Variants in NFATC1 observed in about 807,000 individuals in gnomAD.
The protein encoded by NFATC1 is nuclear factor of activated T cells 1, also known as nuclear factor of activated T-cells, cytoplasmic 1.
Under a neutral mutation model 76.0 loss-of-function variants are expected in NFATC1, and 22 were observed. The ratio of observed to expected loss-of-function variants is 0.29; its 90% CI spans 0.21 to 0.41. The LOEUF (loss-of-function observed/expected upper bound fraction) is 0.41, where lower values mean the gene tolerates loss of function less well. Ranked by LOEUF, NFATC1 falls within the 10% of genes least tolerant of loss-of-function variation. The pLI is 1.00. For missense variants in NFATC1, 1,357 were observed against 1,337.7 expected, an observed-to-expected ratio of 1.01 and a Z score of -0.23; for synonymous variants, 704 against 613.1, an observed-to-expected ratio of 1.15 and a Z score of -2.19.
At chr18:79,468,078 A>ACCCCTGGAG in intron 8 of NFATC1, 2 of 799,132 alleles carry the variant, frequency 2.5e-6, no homozygotes, top group Non-Finnish European at 3.0e-6. Context: ...CTCCAGGGGT[A>ACCCCTGGAG]ACTTCATCTC....
chr18:79,442,232 G>C (rs918904367), intron 3 of NFATC1, among the ~76,000 whole-genome samples: 1 of 152,206 alleles, frequency 6.6e-6, no homozygotes, highest in Non-Finnish European at 1.5e-5. Context: ...GTGGAGACCC[G>C]CGTGCACGTG....
At chr18:79,400,392 A>G in intron 1 of NFATC1, 2 of 1,374,292 alleles carry the variant, frequency 1.5e-6, no homozygotes, top group Non-Finnish European at 1.9e-6. Flanking sequence ...CCGACCCGCC[A>G]TGACGGGGCT....
At chr18:79,421,700 C>T (rs952441774) in intron 2 of NFATC1, 2 of 152,332 alleles carry the variant, frequency 1.3e-5, no homozygotes, top group African/African-American at 4.8e-5. Flanking sequence ...AGGCGGAGTC[C>T]CTGTCCACAA....
At chr18:79,436,769 G>A (rs924375016) in intron 3 of NFATC1, among the ~76,000 whole-genome samples, 5 of 152,018 alleles carry the variant, frequency 3.3e-5, no homozygotes, top group Admixed American at 1.3e-4. Context: ...GGCGCTGAGG[G>A]GCGTGAGGGG....
chr18:79,445,129 T>G (rs909369844), intron 3 of NFATC1, among the ~76,000 whole-genome samples: 4 of 152,270 alleles, frequency 2.6e-5, no homozygotes, highest in Non-Finnish European at 5.9e-5. Context: ...TACTTTTGTT[T>G]CGATTTTTCC....
chr18:79,459,708 TG>T lies in NFATC1; in HGVS notation c.1904-1601del, dbSNP rs1600790468. Among the ~76,000 whole-genome samples the T allele has an allele frequency of 2.0e-5, 3 of 152,248 alleles. No homozygotes were observed. In the East Asian group the frequency reaches 5.8e-4, roughly 29 times the overall value. ...GAGGACCACAGCCTTTTGTGGGGTGTGGACGGGGCCTCACCCCAAAGATGGA... is the reference window on the plus strand; with the variant it reads ...GAGGACCACAGCCTTTTGTGGGGTGTGACGGGGCCTCACCCCAAAGATGGA... On this transcript the variant is annotated intron_variant, in intron 6 of 9. Transcript: ENST00000427363.
At chr18:79,473,309 T>TA (rs1392535751) in intron 8 of NFATC1, among the ~76,000 whole-genome samples, 1 of 152,276 alleles carries the variant, frequency 6.6e-6, no homozygotes, top group African/African-American at 2.4e-5. Context: ...ACAGCTTTTA[T>TA]TAAATTTCAG....
intron 2 of NFATC1, among the ~76,000 whole-genome samples, chr18:79,425,314 C>T (rs1043074149): frequency 1.6e-5 from 2 of 128,856 alleles, no homozygotes; most frequent in Non-Finnish European, 1.7e-5. Context: ...TCTCTTTTAA[C>T]TAAGGGAAAA....
intron 9 of NFATC1, among the ~76,000 whole-genome samples, chr18:79,503,118 AGT>A: frequency 6.6e-6 from 1 of 152,342 alleles, no homozygotes; most frequent in South Asian, 2.1e-4. Context: ...TCCTCACCCG[AGT>A]GTTATCCATC....
rs759761115 is a variant in NFATC1 at position 79,410,813 on chromosome 18, C to T, written c.538C>T (p.Arg180Trp). The change falls in exon 2 of 10, where the codon CGG becomes TGG. Residue 180 changes from arginine to tryptophan, a missense_variant. Arg to Trp is a moderately radical substitution (Grantham distance 101). Coordinates refer to ENST00000427363, the MANE Select transcript of NFATC1 (RefSeq NM_001278669.2). The surrounding 1 kb of genome is among the most constrained non-coding windows in gnomAD (Gnocchi z 6.7). ...GAGCCCGGCCAGCAGCCTGTCCTCC[C>T]GGAGCTGCAACTCAGAGGCCTCCTC... The part of the protein sequence containing the change: ...CLSPASSLSS[R>W]SCNSEASSYE... 3.7e-6 allele frequency: 6 copies of T among 1,612,178 alleles called. No individual in the cohort carries two copies. Among genetic ancestry groups the T allele is most frequent in the East Asian group, 2.2e-5 (1 of 44,864 alleles).
chr18:79,444,620 C>G (rs2087120744), intron 3 of NFATC1, among the ~76,000 whole-genome samples: 1 of 152,252 alleles, frequency 6.6e-6, no homozygotes, highest in Admixed American at 6.5e-5. Context: ...AAGCACTGCT[C>G]ACGTACAACC....
At chr18:79,456,589 G>A (rs1377799225) in intron 6 of NFATC1, among the ~76,000 whole-genome samples, 1 of 152,120 alleles carries the variant, frequency 6.6e-6, no homozygotes, top group African/African-American at 2.4e-5. Context: ...GGGCGGGGAG[G>A]AGGTGAGGGT....
At position 79,486,583 on chromosome 18, in the gene NFATC1, C is replaced by T. The variant is rs529441110; in HGVS notation, c.2428C>T (p.His810Tyr). 3.1e-6 allele frequency: 5 copies of T among 1,589,796 alleles called. No homozygotes were observed. The East Asian group carries it at 6.8e-5, about 22-fold the overall frequency. Residue 810 changes from histidine to tyrosine, a missense_variant, in exon 9 of 10, where the codon CAC (histidine) becomes TAC (tyrosine). By Grantham distance (83) the His-to-Tyr change is moderately conservative. Around this residue, in one of 3 missense-constraint regions of NFATC1, gnomAD observed 424 missense variants for 395.4 expected, o/e 1.07. Transcript: ENST00000427363. ...VQDVPRPVATHPGSPGQPPPA... is the reference protein window; with the variant it reads ...VQDVPRPVATYPGSPGQPPPA... Reference sequence around the variant, plus strand: ...GGACGTGCCCAGGCCAGTGGCCACGCACCCCGGCTCGCCCGGGCAGCCACC... The same window carrying T: ...GGACGTGCCCAGGCCAGTGGCCACGTACCCCGGCTCGCCCGGGCAGCCACC...
chr18:79,412,449 T>C (rs545851795), intron 2 of NFATC1, among the ~76,000 whole-genome samples: 2 of 151,844 alleles, frequency 1.3e-5, no homozygotes, highest in East Asian at 1.9e-4. Context: ...TTTTTTTTTT[T>C]TCGTCCCTCC....
chr18:79,443,320 G>T (rs945942104), intron 3 of NFATC1, among the ~76,000 whole-genome samples: 2 of 152,144 alleles, frequency 1.3e-5, no homozygotes, highest in Non-Finnish European at 2.9e-5. Flanking sequence ...CTTGCCTCGG[G>T]CCCCCACACA....
At chr18:79,483,251 G>A (rs574421302) in intron 8 of NFATC1, among the ~76,000 whole-genome samples, 5 of 139,682 alleles carry the variant, frequency 3.6e-5, no homozygotes, top group South Asian at 4.6e-4. Context: ...TCACTCCAGC[G>A]TGACCTGGTC....
At chr18:79,408,457 A>T (rs929324361) in intron 1 of NFATC1, among the ~76,000 whole-genome samples, 4 of 152,242 alleles carry the variant, frequency 2.6e-5, no homozygotes, top group Non-Finnish European at 5.9e-5. Context: ...TAATGATTTT[A>T]AAAAATATTT....
At chr18:79,456,940 T>G (rs1279303667) in intron 6 of NFATC1, among the ~76,000 whole-genome samples, 5 of 152,206 alleles carry the variant, frequency 3.3e-5, no homozygotes, top group African/African-American at 1.2e-4. Flanking sequence ...CTGAAGATGT[T>G]GGATGCTGGC....
chr18:79,431,980 C>T (rs551079823), intron 2 of NFATC1, among the ~76,000 whole-genome samples: 13 of 152,370 alleles, frequency 8.5e-5, no homozygotes, highest in Middle Eastern at 3.4e-3. Flanking sequence ...GGGTTACAGG[C>T]GTGAGCCACC....
Sources: gnomAD v4.1 joint callset for allele counts (sites outside exome capture counted in the v4.1 genomes callset) on GRCh38, gnomAD v4.1.1 for gene constraint, gnomAD v4.1.1 regional missense constraint, Gnocchi (gnomAD v3.1) non-coding constraint, MANE v1.5 for transcripts, NCBI Gene and HGNC (gene_info 2026-07-23, HGNC 2026-07-21) for gene names.